Variants in SLC9A8 observed in about 807,000 individuals in gnomAD.
SLC9A8 encodes sodium/hydrogen exchanger 8.
SLC9A8 carries 48 observed loss-of-function variants against 66.6 expected under a neutral mutation model. The observed-to-expected ratio is 0.72, with a 90% CI of 0.57 to 0.92. The LOEUF (loss-of-function observed/expected upper bound fraction) is 0.92. SLC9A8 is among the 40% of genes least tolerant of loss of function. SLC9A8 has a pLI of 0.00. For missense variants in SLC9A8, 599 were observed against 747.3 expected, an observed-to-expected ratio of 0.80 and a Z score of 2.31; for synonymous variants, 274 against 282.6, an observed-to-expected ratio of 0.97 and a Z score of 0.31.
At chr20:49,828,073 ATTTTTTT>A (rs58366162) in intron 3 of SLC9A8, among the ~76,000 whole-genome samples, 1 of 81,532 alleles carries the variant, frequency 1.2e-5, no homozygotes, top group East Asian at 3.4e-4. Context: ...CCAAAAAAAA[ATTTTTTT>A]TTTTTTTTTT....
At chr20:49,829,910 C>T in intron 3 of SLC9A8, 2 of 577,622 alleles carry the variant, frequency 3.5e-6, no homozygotes. Flanking sequence ...CAAATCCCCT[C>T]TGAAAAGAAT....
chr20:49,873,039 C>T (rs995921391), intron 10 of SLC9A8, among the ~76,000 whole-genome samples: 7 of 152,096 alleles, frequency 4.6e-5, no homozygotes, highest in Non-Finnish European at 1.0e-4. Flanking sequence ...GGACGAATGT[C>T]GAGGCTCAAA....
At chr20:49,887,790 CCT>C (rs1314721308) in intron 15 of SLC9A8, 37 bp from the exon 16 acceptor site, 2 of 1,506,172 alleles carry the variant, frequency 1.3e-6, no homozygotes, top group Non-Finnish European at 1.8e-6. Context: ...TGGCCCTGCC[CCT>C]GACGCCCTGA....
At chr20:49,845,677 G>T (rs917849373) in intron 5 of SLC9A8, among the ~76,000 whole-genome samples, 1 of 152,092 alleles carries the variant, frequency 6.6e-6, no homozygotes, top group Non-Finnish European at 1.5e-5. Context: ...CTCCTTCCCA[G>T]GCTGGAGCCC....
chr20:49,855,366 G>A (rs1419238538), intron 7 of SLC9A8, 72 bp from the exon 8 acceptor site: 2 of 1,463,490 alleles, frequency 1.4e-6, no homozygotes, highest in African/African-American at 2.8e-5. Flanking sequence ...TATGGCCTTT[G>A]ACTTTAATGC....
At chr20:49,844,982 A>T (rs972244385) in intron 4 of SLC9A8, 54 bp from the exon 5 acceptor site, 1 of 1,288,574 alleles carries the variant, frequency 7.8e-7, no homozygotes, top group African/African-American at 1.5e-5. Context: ...TGATTAATTT[A>T]TTTCTTAATT....
At chr20:49,841,473 G>T (rs2087757853) in intron 4 of SLC9A8, among the ~76,000 whole-genome samples, 3 of 152,064 alleles carry the variant, frequency 2.0e-5, no homozygotes. Context: ...CTGAAGTTCT[G>T]ATTCCAAACT....
chr20:49,877,898 G>A, intron 11 of SLC9A8, 83 bp from the exon 12 acceptor site: 1 of 893,984 alleles, frequency 1.1e-6, no homozygotes, highest in Admixed American at 2.7e-5. Context: ...TTCTGACTGT[G>A]AATGTTTGCT....
Position 49,874,692 on chromosome 20 carries a change from T to C in SLC9A8, c.959-13T>C, listed in dbSNP as rs2089353648. On this transcript the variant is annotated splice_polypyrimidine_tract_variant and intron_variant, in intron 10 of 15. Transcript: ENST00000361573. ...CACGGCAGTGCTTTCTGTTCTGTTC[T>C]CTCCCTCTCTAGGCATCATGGCCAT... 6.7e-7 allele frequency: 1 copy of C among 1,499,806 alleles called. No homozygotes were observed. The highest frequency in any genetic ancestry group is 2.3e-5 in the East Asian group (1 of 44,286). 92.9% of individuals were successfully genotyped at this position (1,499,806 alleles called of 1,614,324 possible).
At chr20:49,862,254 C>T (rs1275468035) in intron 8 of SLC9A8, among the ~76,000 whole-genome samples, 4 of 151,932 alleles carry the variant, frequency 2.6e-5, no homozygotes, top group Non-Finnish European at 1.5e-5. Context: ...ACCCAGCCCC[C>T]GGCCTTTTTT....
chr20:49,848,107 A>G (rs982236007), intron 5 of SLC9A8, among the ~76,000 whole-genome samples: 11 of 151,908 alleles, frequency 7.2e-5, no homozygotes, highest in Admixed American at 7.2e-4. Context: ...TATTTTTAGC[A>G]GAGATGGGGT....
At chr20:49,852,461 A>T (rs1276875766) in intron 7 of SLC9A8, among the ~76,000 whole-genome samples, 4 of 152,360 alleles carry the variant, frequency 2.6e-5, no homozygotes, top group South Asian at 4.1e-4. Flanking sequence ...AAACATAAAA[A>T]TAACTTCGTT....
chr20:49,883,463 C>G (rs537937145), intron 13 of SLC9A8, among the ~76,000 whole-genome samples: 168 of 152,286 alleles, frequency 1.1e-3, no homozygotes, highest in African/African-American at 3.7e-3. Flanking sequence ...CTGTGAAGAT[C>G]CAGTGATGCT....
intron 1 of SLC9A8, among the ~76,000 whole-genome samples, chr20:49,814,270 A>G (rs1441547184): frequency 2.6e-5 from 4 of 152,216 alleles, no homozygotes; most frequent in Non-Finnish European, 4.4e-5. Flanking sequence ...TTAGTTATGC[A>G]TGAGTAAAAA....
chr20:49,818,876 A>C (rs2086644206), intron 2 of SLC9A8, among the ~76,000 whole-genome samples: 1 of 152,232 alleles, frequency 6.6e-6, no homozygotes, highest in African/African-American at 2.4e-5. Context: ...CAAGTGAATT[A>C]AGGGAAATTA....
intron 8 of SLC9A8, among the ~76,000 whole-genome samples, chr20:49,862,080 C>A (rs1057108985): frequency 6.6e-6 from 1 of 150,936 alleles, no homozygotes; most frequent in Non-Finnish European, 1.5e-5. Flanking sequence ...CACTGTCCCA[C>A]CCCCACCCCA....
At chr20:49,884,728 C>A (rs1158306883) in intron 14 of SLC9A8, among the ~76,000 whole-genome samples, 1 of 152,126 alleles carries the variant, frequency 6.6e-6, no homozygotes, top group Non-Finnish European at 1.5e-5. Flanking sequence ...GGTACCCAGG[C>A]CCCAGCTGTA....
At chr20:49,826,311 G>T (rs909367541) in intron 3 of SLC9A8, among the ~76,000 whole-genome samples, 1 of 152,234 alleles carries the variant, frequency 6.6e-6, no homozygotes, top group African/African-American at 2.4e-5. Context: ...CTGGAGCAAA[G>T]TGTAACAAAA....
chr20:49,846,904 T>C lies in SLC9A8; in HGVS notation c.432+1785T>C, dbSNP rs149431897. Among the ~76,000 whole-genome samples the C allele has an allele frequency of 4.2e-3, 646 of 152,220 alleles. 3 individuals are homozygous for C. The highest frequency in any genetic ancestry group is 0.015 in the African/African-American group (624 of 41,520). Reference sequence around the variant, plus strand: ...CGCCACTGCACTCCAGCCTGAGTGATAGAGGGAGACTTTGTCTCAAAAATA... The same window carrying C: ...CGCCACTGCACTCCAGCCTGAGTGACAGAGGGAGACTTTGTCTCAAAAATA... On this transcript the variant is annotated intron_variant, in intron 5 of 15. Coordinates refer to ENST00000361573, the MANE Select transcript of SLC9A8 (RefSeq NM_015266.3).
Sources: allele counts gnomAD v4.1 joint callset (sites outside exome capture counted in the v4.1 genomes callset), GRCh38; gene constraint gnomAD v4.1.1; transcripts MANE v1.5; gene names NCBI Gene and HGNC (gene_info 2026-07-23, HGNC 2026-07-21).